Variants in PTPN14 observed in about 807,000 individuals in gnomAD.
PTPN14 encodes the protein tyrosine-protein phosphatase non-receptor type 14.
In PTPN14, 53 loss-of-function variants were observed where a neutral mutation model predicts 126.8. That is an observed-to-expected ratio of 0.42 (90% confidence interval 0.34 to 0.53). The LOEUF is 0.53. Ranked by LOEUF, PTPN14 falls within the 20% of genes least tolerant of loss-of-function variation. The probability of loss-of-function intolerance (pLI) is 0.08; values close to 1 mark genes in which losing one functional copy is unlikely to be tolerated. For missense variants in PTPN14, 1,257 were observed against 1,552.9 expected (o/e 0.81, Z 3.20); for synonymous variants, 630 against 599.3 (o/e 1.05, Z -0.75).
At chr1:214,419,052 A>G (rs1659485627) in intron 3 of PTPN14, among the ~76,000 whole-genome samples, 1 of 152,206 alleles carries the variant, frequency 6.6e-6, no homozygotes. Context: ...ATTCATCGTC[A>G]GTATCACACA....
At chr1:214,472,626 T>C (rs1660783985) in intron 1 of PTPN14, among the ~76,000 whole-genome samples, 1 of 152,190 alleles carries the variant, frequency 6.6e-6, no homozygotes, top group Admixed American at 6.5e-5. Flanking sequence ...CTTCAAATCA[T>C]TTAAGGAATC....
chr1:214,532,353 T>C, intron 1 of PTPN14: 2 of 568,102 alleles, frequency 3.5e-6, no homozygotes, highest in Non-Finnish European at 6.4e-6. Flanking sequence ...CTGGGATGGC[T>C]TGGGGTCCCG....
rs545111761 is a variant in PTPN14, at chr1:214,353,672, C to G, written c.*4250G>C. The stretch of plus-strand genomic sequence containing the variant: ...AACTCCAGAGTGATATGCCTGATGG[C>G]CAATCCGGCTTAAGAGAAGCTGCAG... On this transcript the variant is annotated 3_prime_UTR_variant, in exon 19 of 19. Coordinates refer to ENST00000366956, the MANE Select transcript of PTPN14 (RefSeq NM_005401.5). 9.8e-5 allele frequency: 15 copies of G among 152,330 alleles called. No individual in the cohort carries two copies. The highest frequency in any genetic ancestry group is 3.6e-4 in the African/African-American group (15 of 41,554). 9.4% of individuals were successfully genotyped at this position (152,330 alleles called of 1,614,324 possible).
At chr1:214,461,029 G>T (rs1476231251) in intron 2 of PTPN14, among the ~76,000 whole-genome samples, 3 of 151,898 alleles carry the variant, frequency 2.0e-5, no homozygotes, top group Non-Finnish European at 4.4e-5. Flanking sequence ...GTTGACAGTG[G>T]GGGAGGGTGT....
chr1:214,545,931 G>A (rs1352252076), intron 1 of PTPN14, among the ~76,000 whole-genome samples: 1 of 152,070 alleles, frequency 6.6e-6, no homozygotes, highest in African/African-American at 2.4e-5. Flanking sequence ...CTGGACTGGA[G>A]ACGATAGCCA....
chr1:214,450,476 T>TA (rs748805193), intron 3 of PTPN14, among the ~76,000 whole-genome samples: 37 of 135,432 alleles, frequency 2.7e-4, no homozygotes, highest in African/African-American at 3.3e-4. Flanking sequence ...CGTCTCAAAT[T>TA]AAAAAAAAAA....
chr1:214,436,786 C>CAAAAAAAAAAAAAAAA (rs1159209240), intron 3 of PTPN14, among the ~76,000 whole-genome samples: 16 of 46,634 alleles, frequency 3.4e-4, no homozygotes, highest in African/African-American at 1.2e-3. Flanking sequence ...GACTCCGTCT[C>CAAAAAAAAAAAAAAAA]AAAAAAAAAA....
At chr1:214,394,838 A>G in intron 9 of PTPN14, 61 bp downstream of exon 9, 1 of 1,378,298 alleles carries the variant, frequency 7.3e-7, no homozygotes, top group East Asian at 2.3e-5. Context: ...GGACATTAGG[A>G]GTTGAAAAGT....
chr1:214,536,600 C>T (rs1655714873), intron 1 of PTPN14, among the ~76,000 whole-genome samples: 3 of 151,578 alleles, frequency 2.0e-5, no homozygotes, highest in African/African-American at 7.3e-5. Flanking sequence ...GCTTGCGTAA[C>T]CTAGTGATAC....
chr1:214,393,380 G>C (rs961288352), intron 10 of PTPN14, among the ~76,000 whole-genome samples: 1 of 152,196 alleles, frequency 6.6e-6, no homozygotes, highest in African/African-American at 2.4e-5. Flanking sequence ...GGGGCACCCT[G>C]GCAAATTGGG....
chr1:214,529,220 G>A (rs1216873449), intron 1 of PTPN14: 1 of 152,244 alleles, frequency 6.6e-6, no homozygotes, highest in Admixed American at 6.5e-5. Context: ...AGGAAGCTGA[G>A]GTGGGAGGAT....
chr1:214,358,026 T>C lies in PTPN14; in HGVS notation c.3460A>G (p.Arg1154Gly). The change falls in exon 19 of 19, where the codon AGG becomes GGG. Residue 1154 changes from arginine (R) to glycine (G), a missense_variant. Physicochemically the swap from Arg to Gly is moderately radical, Grantham distance 125. Around this residue, in one of 3 missense-constraint regions of PTPN14, gnomAD observed 171 missense variants for 229.8 expected, o/e 0.74. Coordinates refer to ENST00000366956, the MANE Select transcript of PTPN14 (RefSeq NM_005401.5). ...AACATCCTCTGCTCCCTGAGGAGCC[T>C]CAGCATCATGGGCACTTCCACCTTC... ...NEKVEVPMML[R>G]LLREQRMFMI... The C allele has an allele frequency of 6.2e-7, 1 of 1,613,568 alleles. No homozygotes were observed. Among genetic ancestry groups the C allele is most frequent in the Non-Finnish European group, 8.5e-7 (1 of 1,179,924 alleles).
intron 1 of PTPN14, among the ~76,000 whole-genome samples, chr1:214,497,130 G>A (rs1319957215): frequency 6.6e-6 from 1 of 151,826 alleles, no homozygotes; most frequent in African/African-American, 2.4e-5. Context: ...TGGGGGGTCG[G>A]GGGGAAGAAA....
In PTPN14 at chr1:214,464,806, C is replaced by A; in HGVS notation, c.-3G>T. ...CGGAGCTTCAGACCAAAAGGCATGG[C>A]TATGTGGTCCTCGGACGCCGCCCGC... On this transcript the variant is annotated 5_prime_UTR_variant, in exon 2 of 19. Coordinates refer to ENST00000366956, the MANE Select transcript of PTPN14 (RefSeq NM_005401.5). 1 of 1,613,180 alleles carries A rather than the reference C, an allele frequency of 6.2e-7. No homozygotes were observed. Among genetic ancestry groups the A allele is most frequent in the Non-Finnish European group, 8.5e-7 (1 of 1,179,138 alleles).
chr1:214,548,265 G>A (rs1656022346), intron 1 of PTPN14, among the ~76,000 whole-genome samples: 2 of 152,274 alleles, frequency 1.3e-5, no homozygotes, highest in South Asian at 4.2e-4. Context: ...GCCTGCTCCA[G>A]CACACTGACA....
At position 214,447,282 on chromosome 1, in the gene PTPN14, C is replaced by T. The variant is rs142951918; in HGVS notation, c.344+4523G>A. Among the ~76,000 whole-genome samples the T allele has an allele frequency of 1.1e-4, 16 of 152,280 alleles. No homozygotes were observed. The East Asian group carries it at 2.3e-3, about 22-fold the overall frequency. On this transcript the variant is annotated intron_variant, in intron 3 of 18. Coordinates refer to ENST00000366956, the MANE Select transcript of PTPN14 (RefSeq NM_005401.5). ...TATTCAGTTCGGACCTCAGATGCTGCTAAAACCTCCCAAGAAGGCTGAGAT... is the reference window on the plus strand; with the variant it reads ...TATTCAGTTCGGACCTCAGATGCTGTTAAAACCTCCCAAGAAGGCTGAGAT...
intron 1 of PTPN14, among the ~76,000 whole-genome samples, chr1:214,525,343 A>G (rs1388420029): frequency 6.6e-6 from 1 of 152,236 alleles, no homozygotes; most frequent in Non-Finnish European, 1.5e-5. Flanking sequence ...CTCTGAAAAT[A>G]TATCCAAACA....
intron 11 of PTPN14, among the ~76,000 whole-genome samples, chr1:214,388,620 C>G: frequency 6.6e-6 from 1 of 152,198 alleles, no homozygotes; most frequent in African/African-American, 2.4e-5. Context: ...GTTGGCCAGG[C>G]TGGTCTTGAA....
At chr1:214,419,021 A>G (rs2102590799) in intron 3 of PTPN14, among the ~76,000 whole-genome samples, 2 of 152,330 alleles carry the variant, frequency 1.3e-5, no homozygotes, top group East Asian at 1.9e-4. Flanking sequence ...CTAAATGCAG[A>G]TTTTTAAAAA....
Sources: gnomAD v4.1 joint callset for allele counts (sites outside exome capture counted in the v4.1 genomes callset) on GRCh38, gnomAD v4.1.1 for gene constraint, gnomAD v4.1.1 regional missense constraint, MANE v1.5 for transcripts, NCBI Gene and HGNC (gene_info 2026-07-23, HGNC 2026-07-21) for gene names.